KCNIP1: variants seen among roughly 807,000 people sequenced by gnomAD.
The protein encoded by KCNIP1 is potassium voltage-gated channel interacting protein 1.
A neutral mutation model predicts 33.0 loss-of-function variants in KCNIP1; 18 were observed. The ratio of observed to expected loss-of-function variants is 0.55; its 90% CI spans 0.38 to 0.81. The LOEUF (loss-of-function observed/expected upper bound fraction) is 0.81. KCNIP1 is among the 30% of genes least tolerant of loss of function. The pLI is 0.00. For missense variants in KCNIP1, 238 were observed against 271.6 expected (o/e 0.88, Z 0.87); for synonymous variants, 93 against 98.3 (o/e 0.95, Z 0.32).
At chr5:170,356,981 G>T (rs1316229198) in intron 1 of KCNIP1, among the ~76,000 whole-genome samples, 1 of 152,188 alleles carries the variant, frequency 6.6e-6, no homozygotes, top group Non-Finnish European at 1.5e-5. Flanking sequence ...GTCTGAGCTT[G>T]CATAGTGTCT....
intron 1 of KCNIP1, among the ~76,000 whole-genome samples, chr5:170,472,427 TA>T (rs1373221682): frequency 6.6e-6 from 1 of 152,168 alleles, no homozygotes; most frequent in Non-Finnish European, 1.5e-5. Flanking sequence ...ACTGACTTTT[TA>T]AAAAATTTTA....
chr5:170,502,473 A>G (rs1004645059), upstream of KCNIP1, among the ~76,000 whole-genome samples: 6 of 152,084 alleles, frequency 3.9e-5, no homozygotes, highest in African/African-American at 1.4e-4. Context: ...TGTGGCATTG[A>G]GCCTGTGTGA....
intron 1 of KCNIP1, among the ~76,000 whole-genome samples, chr5:170,485,027 G>C (rs1472408081): frequency 7.0e-6 from 1 of 143,362 alleles, no homozygotes; most frequent in Non-Finnish European, 1.5e-5. Flanking sequence ...TGCAATCTCT[G>C]CCTCCTAGTT....
intron 1 of KCNIP1, among the ~76,000 whole-genome samples, chr5:170,539,963 C>G (rs1377830129): frequency 6.6e-6 from 1 of 152,122 alleles, no homozygotes; most frequent in Non-Finnish European, 1.5e-5. Flanking sequence ...CCTGCATGCC[C>G]ACACTGAAAT....
chr5:170,355,752 C>A (rs1763330337), intron 1 of KCNIP1, among the ~76,000 whole-genome samples: 2 of 152,226 alleles, frequency 1.3e-5, no homozygotes, highest in Admixed American at 6.5e-5. Flanking sequence ...CAGAATGCCT[C>A]CCTCTCTCTG....
intron 1 of KCNIP1, among the ~76,000 whole-genome samples, chr5:170,401,990 G>A (rs554861635): frequency 9.1e-4 from 138 of 152,284 alleles, no homozygotes; most frequent in African/African-American, 3.0e-3. Flanking sequence ...AAGGCTCTAA[G>A]GGGAAAATCC....
In KCNIP1 at chr5:170,476,673, C is replaced by T. The variant is rs73803715; in HGVS notation, c.88+122709C>T. ...ATGGCTGCGGGCCTGAAATTTTGATCGTAAGGCAAATTTTGGTACAGAAAA... is the reference window on the plus strand; with the variant it reads ...ATGGCTGCGGGCCTGAAATTTTGATTGTAAGGCAAATTTTGGTACAGAAAA... On this transcript the variant is annotated intron_variant, in intron 1 of 7. Transcript: ENST00000377360. Among the ~76,000 whole-genome samples, 512 of 152,214 alleles carry T rather than the reference C, an allele frequency of 3.4e-3. 1 individual carries two copies. Among genetic ancestry groups the T allele is most frequent in the African/African-American group, 8.4e-3 (350 of 41,514 alleles).
intron 1 of KCNIP1, among the ~76,000 whole-genome samples, chr5:170,632,940 G>C (rs1760115895): frequency 6.6e-6 from 1 of 152,068 alleles, no homozygotes; most frequent in Non-Finnish European, 1.5e-5. Context: ...CCTCGCGTGG[G>C]GGTGGGTTGG....
At chr5:170,589,798 C>CGGTGCGGTGT (rs1379671887) in intron 1 of KCNIP1, among the ~76,000 whole-genome samples, 2 of 123,518 alleles carry the variant, frequency 1.6e-5, no homozygotes, top group East Asian at 4.2e-4. Context: ...ATGTGGTGTG[C>CGGTGCGGTGT]GGTGCGGTGC....
At chr5:170,576,100 G>A (rs1203121973) in intron 1 of KCNIP1, among the ~76,000 whole-genome samples, 1 of 152,152 alleles carries the variant, frequency 6.6e-6, no homozygotes, top group African/African-American at 2.4e-5. Context: ...AGTCAGCTGG[G>A]TACTTGAACT....
intron 1 of KCNIP1, among the ~76,000 whole-genome samples, chr5:170,569,170 T>G (rs941665546): frequency 6.6e-6 from 1 of 152,226 alleles, no homozygotes; most frequent in Non-Finnish European, 1.5e-5. Context: ...GACAGACCTC[T>G]TTAGCAGTAA....
At chr5:170,502,167 G>A (rs183222868), upstream of KCNIP1, among the ~76,000 whole-genome samples, 1 of 152,184 alleles carries the variant, frequency 6.6e-6, no homozygotes, top group African/African-American at 2.4e-5. Context: ...TAATGATCAG[G>A]CACCTGCTTA....
At chr5:170,619,624 T>C (rs1759525215) in intron 1 of KCNIP1, among the ~76,000 whole-genome samples, 1 of 152,178 alleles carries the variant, frequency 6.6e-6, no homozygotes, top group Non-Finnish European at 1.5e-5. Flanking sequence ...AGAAACACTT[T>C]AGCCCAGGAT....
intron 1 of KCNIP1, among the ~76,000 whole-genome samples, chr5:170,571,975 T>C (rs1757427224): frequency 6.6e-6 from 1 of 152,338 alleles, no homozygotes; most frequent in East Asian, 1.9e-4. Context: ...CAGAGAACTA[T>C]ATCTCTACTA....
At chr5:170,636,188 G>C (rs1046435557) in intron 1 of KCNIP1, among the ~76,000 whole-genome samples, 1 of 152,240 alleles carries the variant, frequency 6.6e-6, no homozygotes, top group Admixed American at 6.5e-5. Flanking sequence ...TCTGGAGTTG[G>C]GGGGAAAGCC....
chr5:170,524,920 C>A (rs1221019526), intron 1 of KCNIP1, among the ~76,000 whole-genome samples: 1 of 152,132 alleles, frequency 6.6e-6, no homozygotes, highest in Non-Finnish European at 1.5e-5. Flanking sequence ...CCCACCAAAC[C>A]CCTGACTCTG....
intron 1 of KCNIP1, among the ~76,000 whole-genome samples, chr5:170,599,517 A>C (rs1007935533): frequency 6.6e-6 from 1 of 152,222 alleles, no homozygotes; most frequent in African/African-American, 2.4e-5. Context: ...ACAATCAAGT[A>C]GAGCCTTTCT....
chr5:170,383,617 G>A (rs767402967), intron 1 of KCNIP1: 10 of 1,581,730 alleles, frequency 6.3e-6, no homozygotes, highest in Admixed American at 1.7e-5. Flanking sequence ...GGGACAGTTA[G>A]GAACAGGCTC....
rs1368554009 is a variant in KCNIP1 at position 170,735,801 on chromosome 5, A to T, written c.646A>T (p.Met216Leu). 4 of 1,613,920 alleles carry T rather than the reference A, an allele frequency of 2.5e-6. No individual in the cohort carries two copies. Among genetic ancestry groups the T allele is most frequent in the Non-Finnish European group, 3.4e-6 (4 of 1,179,854 alleles). Residue 216 changes from methionine to leucine, a missense_variant, in exon 8 of 8, where the codon ATG (methionine) becomes TTG (leucine). Transcript: ENST00000328939. ...GTCTCTCCAGCTGTTTCAAAATGTC[A>T]TGTAACTGGTGACACTCAGCCATTC... ...MRSLQLFQNVM is the reference protein window; with the variant it reads ...MRSLQLFQNVL
Sources: gnomAD v4.1 joint callset for allele counts (sites outside exome capture counted in the v4.1 genomes callset) on GRCh38, gnomAD v4.1.1 for gene constraint, MANE v1.5 for transcripts, NCBI Gene and HGNC (gene_info 2026-07-23, HGNC 2026-07-21) for gene names.